SUPT3H: variants seen among roughly 807,000 people sequenced by gnomAD.
SUPT3H encodes the protein SPT3 homolog, SAGA and STAGA complex component, also known as transcription initiation protein SPT3 homolog.
A neutral mutation model predicts 44.3 loss-of-function variants in SUPT3H; 44 were observed. The ratio of observed to expected loss-of-function variants is 0.99; its 90% CI spans 0.78 to 1.28. The LOEUF is 1.28. Ranked by LOEUF, SUPT3H falls within the 50% of genes most tolerant of loss-of-function variation. The probability of loss-of-function intolerance (pLI) is 0.00; values close to 1 mark genes in which losing one functional copy is unlikely to be tolerated. For missense variants in SUPT3H, 380 were observed against 387.1 expected, an observed-to-expected ratio of 0.98 and a Z score of 0.15; for synonymous variants, 124 against 125.6, an observed-to-expected ratio of 0.99 and a Z score of 0.09.
chr6:45,262,470 G>A lies in SUPT3H; in HGVS notation c.101+102731C>T, dbSNP rs187402347. ...ACTGGCTTACCATATGCAGAAGATT[G>A]AACCTGGACCCCTTCCTTTCACCAC... On this transcript the variant is annotated intron_variant, in intron 2 of 10. Coordinates refer to ENST00000371459, the MANE Select transcript of SUPT3H (RefSeq NM_003599.4). Among the ~76,000 whole-genome samples, 3 of 152,196 alleles carry A rather than the reference G, an allele frequency of 2.0e-5. No individual in the cohort carries two copies. The East Asian group carries it at 5.8e-4, about 29-fold the overall frequency.
At position 45,337,445 on chromosome 6, in the gene SUPT3H, C is replaced by A. The variant is rs548744874; in HGVS notation, c.101+27756G>T. Among the ~76,000 whole-genome samples, 4 of 151,862 alleles carry A rather than the reference C, an allele frequency of 2.6e-5. No homozygotes were observed. In the East Asian group the frequency reaches 7.7e-4, roughly 29 times the overall value. On this transcript the variant is annotated intron_variant, in intron 2 of 10. Transcript: ENST00000371459. ...TAAATCAATATATACAAGGGTTACT[C>A]TAAAAATACTCATTTCTAGAAGGCC...
chr6:45,055,877 G>A (rs1450466563), intron 3 of SUPT3H, among the ~76,000 whole-genome samples: 3 of 152,136 alleles, frequency 2.0e-5, no homozygotes, highest in Non-Finnish European at 1.5e-5. Flanking sequence ...AATCAGCAGA[G>A]TAAACAGACA....
At chr6:44,966,611 T>A (rs1309484100) in intron 6 of SUPT3H, among the ~76,000 whole-genome samples, 1 of 152,080 alleles carries the variant, frequency 6.6e-6, no homozygotes, top group African/African-American at 2.4e-5. Context: ...CTCTAAGGTA[T>A]ACAAAGTTTC....
At chr6:45,124,871 G>C (rs1430677558) in intron 2 of SUPT3H, among the ~76,000 whole-genome samples, 1 of 152,068 alleles carries the variant, frequency 6.6e-6, no homozygotes, top group African/African-American at 2.4e-5. Flanking sequence ...ATTAGGGTAG[G>C]CTCTAGACGA....
At chr6:45,138,873 C>T (rs1457873858) in intron 2 of SUPT3H, among the ~76,000 whole-genome samples, 1 of 152,084 alleles carries the variant, frequency 6.6e-6, no homozygotes, top group Non-Finnish European at 1.5e-5. Context: ...CTCAATAAAT[C>T]TGAAAAAAGC....
chr6:45,146,303 T>C (rs1227177513), intron 2 of SUPT3H, among the ~76,000 whole-genome samples: 5 of 152,166 alleles, frequency 3.3e-5, no homozygotes, highest in Admixed American at 6.6e-5. Context: ...AAAGAAAATA[T>C]ATGTATATAC....
At chr6:45,200,630 A>T (rs939665683) in intron 2 of SUPT3H, among the ~76,000 whole-genome samples, 2 of 151,524 alleles carry the variant, frequency 1.3e-5, no homozygotes, top group Admixed American at 1.3e-4. Flanking sequence ...CACTTTAGAG[A>T]CAATAAAAAA....
intron 2 of SUPT3H, among the ~76,000 whole-genome samples, chr6:45,245,623 T>G (rs1771200183): frequency 6.6e-6 from 1 of 152,280 alleles, no homozygotes; most frequent in East Asian, 1.9e-4. Flanking sequence ...ATTTAATTCC[T>G]TTGTAAAACT....
chr6:44,866,802 T>G (rs1351032841), intron 10 of SUPT3H, among the ~76,000 whole-genome samples: 6 of 131,856 alleles, frequency 4.6e-5, no homozygotes, highest in Admixed American at 4.0e-4. Context: ...ATTCTTCAGC[T>G]GGTAAAACAT....
intron 10 of SUPT3H, among the ~76,000 whole-genome samples, chr6:44,878,752 C>T (rs1015778447): frequency 6.6e-6 from 1 of 152,056 alleles, no homozygotes; most frequent in Non-Finnish European, 1.5e-5. Flanking sequence ...ACTGGTTAGA[C>T]AGTGGGTGCA....
intron 3 of SUPT3H, among the ~76,000 whole-genome samples, chr6:45,046,708 T>A (rs1176737525): frequency 6.6e-6 from 1 of 152,242 alleles, no homozygotes; most frequent in Non-Finnish European, 1.5e-5. Context: ...GTTTTGACTT[T>A]CTAAGTCCTT....
At chr6:45,287,312 G>T (rs1048327155) in intron 2 of SUPT3H, among the ~76,000 whole-genome samples, 1 of 152,032 alleles carries the variant, frequency 6.6e-6, no homozygotes, top group African/African-American at 2.4e-5. Flanking sequence ...TCGGTACTCT[G>T]ATGTTCATAA....
At chr6:44,982,355 C>G (rs1779213085) in intron 6 of SUPT3H, among the ~76,000 whole-genome samples, 1 of 152,108 alleles carries the variant, frequency 6.6e-6, no homozygotes, top group African/African-American at 2.4e-5. Context: ...TCCCGAGTAG[C>G]TGGGACTACA....
At chr6:45,322,134 A>C (rs1785592644) in intron 2 of SUPT3H, among the ~76,000 whole-genome samples, 1 of 152,040 alleles carries the variant, frequency 6.6e-6, no homozygotes, top group African/African-American at 2.4e-5. Flanking sequence ...TCACTAAAAA[A>C]GCTAGTTTTA....
At chr6:45,221,946 C>G (rs1042304872) in intron 2 of SUPT3H, among the ~76,000 whole-genome samples, 1 of 151,904 alleles carries the variant, frequency 6.6e-6, no homozygotes, top group Non-Finnish European at 1.5e-5. Flanking sequence ...ATCAATAGAA[C>G]AGAATACAGA....
intron 2 of SUPT3H, among the ~76,000 whole-genome samples, chr6:45,284,175 T>C (rs1429411540): frequency 6.6e-6 from 1 of 151,946 alleles, no homozygotes; most frequent in African/African-American, 2.4e-5. Context: ...AACATCATAA[T>C]TAAAACAACT....
chr6:45,153,406 A>C (rs1265899104), intron 2 of SUPT3H, among the ~76,000 whole-genome samples: 4 of 152,262 alleles, frequency 2.6e-5, no homozygotes. Flanking sequence ...AGGAACAACA[A>C]GTAGATATCA....
chr6:44,831,098 A>ATTAAC (rs1768626879), intron 10 of SUPT3H, among the ~76,000 whole-genome samples: 1 of 152,160 alleles, frequency 6.6e-6, no homozygotes, highest in African/African-American at 2.4e-5. Context: ...ATAAAATTCA[A>ATTAAC]TTAACTTGAA....
intron 9 of SUPT3H, among the ~76,000 whole-genome samples, chr6:44,935,891 A>AT (rs1344218802): frequency 6.6e-6 from 1 of 152,170 alleles, no homozygotes; most frequent in African/African-American, 2.4e-5. Flanking sequence ...CCAACTTAAA[A>AT]AAGTTCTTGG....
Sources: allele counts gnomAD v4.1 joint callset (sites outside exome capture counted in the v4.1 genomes callset), GRCh38; gene constraint gnomAD v4.1.1; transcripts MANE v1.5; gene names NCBI Gene and HGNC (gene_info 2026-07-23, HGNC 2026-07-21).